ARFGEF1: variants seen among roughly 807,000 people sequenced by gnomAD.
The protein encoded by ARFGEF1 is ARF guanine nucleotide exchange factor 1.
Under a neutral mutation model 231.0 loss-of-function variants are expected in ARFGEF1, and 42 were observed. That is an observed-to-expected ratio of 0.18 (90% CI 0.14 to 0.24). The LOEUF (loss-of-function observed/expected upper bound fraction) is 0.24, where lower values mean the gene tolerates loss of function less well. Ranked by LOEUF, ARFGEF1 falls within the 10% of genes least tolerant of loss-of-function variation. The probability of loss-of-function intolerance (pLI) is 1.00; values close to 1 mark genes in which losing one functional copy is unlikely to be tolerated. For synonymous variants in ARFGEF1, 710 were observed against 732.3 expected (o/e 0.97, Z 0.49); for missense variants, 1,345 against 2,192.0 (o/e 0.61, Z 7.72).
At chr8:67,306,414 T>A (rs150219385) in intron 1 of ARFGEF1, among the ~76,000 whole-genome samples, 2 of 152,150 alleles carry the variant, frequency 1.3e-5, no homozygotes, top group African/African-American at 4.8e-5. Context: ...AAATCAACAC[T>A]GTTTATAAGG....
rs1166810807 is a variant in ARFGEF1, at chr8:67,335,101, A to ATTTT, written c.124+8059_124+8062dup. Among the ~76,000 whole-genome samples the ATTTT allele has an allele frequency of 4.3e-4, 57 of 132,360 alleles. 1 individual carries two copies. Among genetic ancestry groups the ATTTT allele is most frequent in the Admixed American group, 1.9e-3 (24 of 12,812 alleles). 86.8% of individuals were successfully genotyped at this position (132,360 alleles called of 152,430 possible). A position where few individuals can be genotyped will look rare whatever the true frequency, so the allele number is the denominator to read the frequency against. ...TCTTCAGCTAAGAGTATCACGGTAA[A>ATTTT]TTTTTTTTTTTTTTTTTTTTTTGAG... On this transcript the variant is annotated intron_variant, in intron 1 of 38. Coordinates refer to ENST00000262215, the MANE Select transcript of ARFGEF1 (RefSeq NM_006421.5).
intron 5 of ARFGEF1, among the ~76,000 whole-genome samples, chr8:67,184,454 C>T (rs1833869330): frequency 6.6e-6 from 1 of 152,072 alleles, no homozygotes; most frequent in Non-Finnish European, 1.5e-5. Context: ...CAGGGCATAT[C>T]TAGCTGGGCA....
chr8:67,196,716 A>C (rs1587006040), downstream of ARFGEF1, among the ~76,000 whole-genome samples: 1 of 152,214 alleles, frequency 6.6e-6, no homozygotes, highest in African/African-American at 2.4e-5. Flanking sequence ...AAGTAAGAAG[A>C]AAGCCTCTGA....
intron 29 of ARFGEF1, among the ~76,000 whole-genome samples, chr8:67,221,102 C>T (rs1285717133): frequency 2.0e-5 from 3 of 152,144 alleles, no homozygotes; most frequent in African/African-American, 4.8e-5. Flanking sequence ...ACTTTACTCA[C>T]ATGTTTATGG....
At chr8:67,341,405 A>G (rs1273932573) in intron 1 of ARFGEF1, among the ~76,000 whole-genome samples, 2 of 147,692 alleles carry the variant, frequency 1.4e-5, no homozygotes, top group African/African-American at 5.0e-5. Flanking sequence ...TGGGCGATAT[A>G]GAGAGACCGC....
intron 5 of ARFGEF1, chr8:67,180,024 A>G (rs941700139): frequency 4.0e-5 from 6 of 148,440 alleles, no homozygotes; most frequent in Admixed American, 7.3e-5. Context: ...ACAAGGTAGT[A>G]AAAAAAAAAA....
chr8:67,193,784 A>G (rs1355804238), downstream of ARFGEF1, among the ~76,000 whole-genome samples: 2 of 152,204 alleles, frequency 1.3e-5, no homozygotes, highest in Non-Finnish European at 2.9e-5. Context: ...TTTGCATCAG[A>G]TTTTCTCTAT....
At chr8:67,202,163 T>C (rs1838353909) in intron 36 of ARFGEF1, among the ~76,000 whole-genome samples, 1 of 152,206 alleles carries the variant, frequency 6.6e-6, no homozygotes, top group South Asian at 2.1e-4. Context: ...TTTGATACAG[T>C]TTGATAAGTA....
At position 67,238,782 on chromosome 8, in the gene ARFGEF1, T is replaced by A. The variant is rs1839843838; in HGVS notation, c.3091A>T (p.Thr1031Ser). 6.2e-7 allele frequency: 1 copy of A among 1,613,756 alleles called. No homozygotes were observed. Among genetic ancestry groups the A allele is most frequent in the South Asian group, 1.1e-5 (1 of 91,080 alleles). The change falls in exon 21 of 39, where the codon ACA (threonine) becomes TCA (serine). Residue 1031 changes from threonine (T) to serine (S), a missense_variant. Transcript: ENST00000262215. ...KNIDTIKTLITVAHTDGNYLG... is the reference protein window; with the variant it reads ...KNIDTIKTLISVAHTDGNYLG... ...TAATTTCCATCTGTATGAGCCACTG[T>A]GATAAGTGTTTTTATTGTGTCAATG...
chr8:67,245,558 T>C (rs897276718), intron 19 of ARFGEF1, among the ~76,000 whole-genome samples: 1 of 150,274 alleles, frequency 6.7e-6, no homozygotes, highest in Non-Finnish European at 1.5e-5. Context: ...AAGATAGTAC[T>C]TGCAAGCCTC....
chr8:67,288,094 A>T, intron 6 of ARFGEF1, 29 bp from the exon 7 acceptor site: 6 of 1,477,468 alleles, frequency 4.1e-6, no homozygotes, highest in Non-Finnish European at 5.5e-6. Flanking sequence ...TCAACAGAAC[A>T]TTATTTTAAC....
chr8:67,301,161 G>T, intron 3 of ARFGEF1, 63 bp downstream of exon 3: 1 of 1,403,898 alleles, frequency 7.1e-7, no homozygotes, highest in Non-Finnish European at 9.6e-7. Context: ...TCATCAATGT[G>T]AGTAATGTTT....
intron 29 of ARFGEF1, among the ~76,000 whole-genome samples, chr8:67,221,895 G>C (rs1396278171): frequency 6.7e-6 from 1 of 149,806 alleles, no homozygotes; most frequent in African/African-American, 2.5e-5. Context: ...CTCACTGCAA[G>C]CTCCACCTCC....
chr8:67,207,265 G>A (rs1838556037), intron 34 of ARFGEF1: 1 of 152,202 alleles, frequency 6.6e-6, no homozygotes, highest in Non-Finnish European at 1.5e-5. Flanking sequence ...AATGGACTTA[G>A]CAGTAGATGG....
intron 33 of ARFGEF1, among the ~76,000 whole-genome samples, chr8:67,215,554 A>G (rs1411563544): frequency 1.3e-5 from 2 of 152,218 alleles, no homozygotes; most frequent in African/African-American, 4.8e-5. Context: ...CATAAAACAA[A>G]AAGGAGAGGG....
chr8:67,253,510 T>C lies in ARFGEF1; in HGVS notation c.2639A>G (p.Lys880Arg). 1 of 1,588,724 alleles carries C rather than the reference T, an allele frequency of 6.3e-7. No homozygotes were observed. Among genetic ancestry groups the C allele is most frequent in the Non-Finnish European group, 8.6e-7 (1 of 1,158,202 alleles). Residue 880 changes from lysine (K) to arginine (R), a missense_variant, in exon 18 of 39, where the codon AAA (lysine) becomes AGA (arginine). Transcript: ENST00000262215. ...TTTTGTTTCTTTCATTGATATCTTT[T>C]TCCCAGCTATTTCATTATAGATGGC... ...LSAIYNEIAGKKISMKETKEL... is the reference protein window; with the variant it reads ...LSAIYNEIAGRKISMKETKEL...
At chr8:67,335,341 A>G (rs911924015) in intron 1 of ARFGEF1, among the ~76,000 whole-genome samples, 29 of 151,978 alleles carry the variant, frequency 1.9e-4, no homozygotes, top group African/African-American at 6.5e-4. Context: ...TCCTCACCTC[A>G]TGATCTGCCC....
chr8:67,263,544 C>T (rs1804725583), intron 14 of ARFGEF1, among the ~76,000 whole-genome samples: 1 of 152,260 alleles, frequency 6.6e-6, no homozygotes, highest in African/African-American at 2.4e-5. Flanking sequence ...TGTTATTCCC[C>T]CTCCACTCTA....
intron 5 of ARFGEF1, among the ~76,000 whole-genome samples, chr8:67,176,534 G>A (rs1831684855): frequency 1.3e-5 from 2 of 152,126 alleles, no homozygotes; most frequent in Admixed American, 1.3e-4. Flanking sequence ...TAAGCAGTAG[G>A]TATATCATCT....
Sources: gnomAD v4.1 joint callset for allele counts (sites outside exome capture counted in the v4.1 genomes callset) on GRCh38, gnomAD v4.1.1 for gene constraint, MANE v1.5 for transcripts, NCBI Gene and HGNC (gene_info 2026-07-23, HGNC 2026-07-21) for gene names.